The following PSMD1 variants were observed in gnomAD, a reference collection of about 807,000 sequenced individuals.
PSMD1 encodes 26S proteasome non-ATPase regulatory subunit 1.
Under a neutral mutation model 119.0 loss-of-function variants are expected in PSMD1, and 18 were observed. The observed-to-expected ratio is 0.15, with a 90% confidence interval of 0.10 to 0.22. PSMD1 has a LOEUF of 0.22. PSMD1 is among the 10% of genes least tolerant of loss of function. PSMD1 has a pLI of 1.00. For missense variants in PSMD1, 702 were observed against 1,158.5 expected (o/e 0.61, Z 5.72); for synonymous variants, 374 against 396.6 (o/e 0.94, Z 0.68).
At chr2:231,132,073 T>C (rs560585901) in intron 16 of PSMD1, among the ~76,000 whole-genome samples, 3 of 152,308 alleles carry the variant, frequency 2.0e-5, no homozygotes, top group Non-Finnish European at 4.4e-5. Context: ...TGCATTAGGC[T>C]CCTGGTATTT....
In PSMD1 at chr2:231,170,650, A is replaced by G. The variant is rs1696891777; in HGVS notation, c.2800A>G (p.Lys934Glu). The change falls in exon 24 of 25, where the codon AAA (lysine) becomes GAA (glutamate). Residue 934 changes from lysine (K) to glutamate (E), a missense_variant. Around this residue, in one of 9 missense-constraint regions of PSMD1, gnomAD observed 152 missense variants for 239.3 expected, o/e 0.64. Coordinates refer to ENST00000308696, the MANE Select transcript of PSMD1 (RefSeq NM_002807.4). The surrounding 1 kb of genome is among the most constrained non-coding windows in gnomAD (Gnocchi z 4.1). ...LVEPVAAHGP[K>E]IEEEEQEPEP... is the part of the protein sequence containing the mutation. ...GGAACCTGTGGCAGCACATGGCCCA[A>G]AAATCGAGGAGGAGGAACAAGAGCC... is the stretch of plus-strand genomic sequence containing the variant. The G allele has an allele frequency of 1.9e-6, 3 of 1,614,140 alleles. No individual in the cohort carries two copies. Among genetic ancestry groups the G allele is most frequent in the Non-Finnish European group, 2.5e-6 (3 of 1,180,010 alleles).
chr2:231,155,962 C>T (rs1040950702), intron 19 of PSMD1, among the ~76,000 whole-genome samples: 1 of 152,078 alleles, frequency 6.6e-6, no homozygotes, highest in African/African-American at 2.4e-5. Flanking sequence ...TCTCCCTTCT[C>T]ACTCTTCACT....
intron 17 of PSMD1, among the ~76,000 whole-genome samples, chr2:231,142,749 G>C (rs1431493641): frequency 6.6e-6 from 1 of 151,764 alleles, no homozygotes; most frequent in South Asian, 2.1e-4. Flanking sequence ...ATGGAAATTT[G>C]GTTATATTTT....
Position 231,060,674 on chromosome 2 carries a change from A to ATT in PSMD1, c.17-591_17-590dup, listed in dbSNP as rs529190304. Among the ~76,000 whole-genome samples the ATT allele has an allele frequency of 3.9e-3, 589 of 152,334 alleles. 9 individuals are homozygous for ATT. Among genetic ancestry groups the ATT allele is most frequent in the South Asian group, 0.022 (107 of 4,826 alleles). Reference sequence around the variant, plus strand: ...TTCAGAATGAGTATGATTGTTCATCATTTGGTAAAACCCAGGTTACTTGTG... The same window carrying ATT: ...TTCAGAATGAGTATGATTGTTCATCATTTTTGGTAAAACCCAGGTTACTTGTG... On this transcript the variant is annotated intron_variant, in intron 1 of 24. Transcript: ENST00000308696.
chr2:231,062,184 G>A, intron 2 of PSMD1, 64 bp from the exon 3 acceptor site: 1 of 1,105,836 alleles, frequency 9.0e-7, no homozygotes, highest in Non-Finnish European at 1.3e-6. Flanking sequence ...TTGCTGAAAA[G>A]AATTTTTTAA....
At chr2:231,071,007 AT>A (rs1436263222) in intron 6 of PSMD1, among the ~76,000 whole-genome samples, 1 of 152,110 alleles carries the variant, frequency 6.6e-6, no homozygotes, top group African/African-American at 2.4e-5. Flanking sequence ...AGAAGAAAAA[AT>A]ATCCATGTTT....
chr2:231,067,137 A>G (rs748161353), intron 5 of PSMD1, 26 bp downstream of exon 5: 2 of 1,500,786 alleles, frequency 1.3e-6, no homozygotes, highest in African/African-American at 2.8e-5. Context: ...TATTTTAGAA[A>G]TTATTGTTGA....
chr2:231,150,197 A>G (rs1024305439), intron 18 of PSMD1, among the ~76,000 whole-genome samples: 49 of 152,186 alleles, frequency 3.2e-4, no homozygotes, highest in African/African-American at 1.0e-3. Flanking sequence ...TACAAAAAAA[A>G]TTAGCTGAGT....
intron 16 of PSMD1, chr2:231,133,595 T>C (rs905440342): frequency 2.6e-5 from 4 of 152,188 alleles, no homozygotes; most frequent in African/African-American, 9.7e-5. Context: ...ATTTATGGTA[T>C]TGGGGGATGG....
intron 5 of PSMD1, among the ~76,000 whole-genome samples, chr2:231,067,727 G>T (rs982090363): frequency 2.6e-5 from 4 of 151,940 alleles, no homozygotes; most frequent in African/African-American, 9.7e-5. Context: ...CGCAATCTTG[G>T]CTCACTGAAA....
Position 231,081,144 on chromosome 2 carries a change from T to TAAAA in PSMD1, c.1413+849_1413+852dup, listed in dbSNP as rs368987456. Among the ~76,000 whole-genome samples, 181 of 74,002 alleles carry TAAAA rather than the reference T, an allele frequency of 2.4e-3. 4 individuals carry two copies. The East Asian group carries it at 0.043, about 18-fold the overall frequency. 48.5% of individuals were successfully genotyped at this position (74,002 alleles called of 152,430 possible). ...TGGGCGACAAGACAGAAACTCTGTC[T>TAAAA]AAAAAAAAAAAAAAAAAAAAAAGAT... On this transcript the variant is annotated intron_variant, in intron 12 of 24. Transcript: ENST00000308696.
At chr2:231,100,069 T>C (rs1275473601) in intron 16 of PSMD1, among the ~76,000 whole-genome samples, 2 of 152,150 alleles carry the variant, frequency 1.3e-5, no homozygotes, top group African/African-American at 2.4e-5. Flanking sequence ...TTCTCACCCC[T>C]GAGGCCACCA....
intron 13 of PSMD1, 137 bp downstream of exon 13, chr2:231,083,131 C>A (rs1189169321): frequency 4.2e-6 from 3 of 718,178 alleles, no homozygotes; most frequent in Non-Finnish European, 6.7e-6. Flanking sequence ...GAATTTTGCT[C>A]CATTTGTCAA....
intron 16 of PSMD1, among the ~76,000 whole-genome samples, chr2:231,100,779 C>T (rs899597797): frequency 2.6e-5 from 4 of 152,182 alleles, no homozygotes; most frequent in African/African-American, 4.8e-5. Context: ...CTTTTATATA[C>T]TGTTGCCATT....
intron 2 of PSMD1, 106 bp from the exon 3 acceptor site, chr2:231,062,142 G>A (rs1467277029): frequency 2.9e-6 from 2 of 688,078 alleles, no homozygotes; most frequent in Non-Finnish European, 5.0e-6. Context: ...GTAAAAGTTT[G>A]AGTAAATATT....
chr2:231,170,315 C>G lies in PSMD1; in HGVS notation c.2716-251C>G, dbSNP rs1696885525. ...AGTCAAGGCCATGGCTGGGAAATAA[C>G]TATTCTTAAATTGGGATGCATCATC... On this transcript the variant is annotated intron_variant, in intron 23 of 24. Transcript: ENST00000308696. The surrounding 1 kb of genome is among the most constrained non-coding windows in gnomAD (Gnocchi z 4.1). The G allele has an allele frequency of 2.8e-6, 1 of 360,684 alleles. No individual in the cohort carries two copies. Among genetic ancestry groups the G allele is most frequent in the Non-Finnish European group, 4.9e-6 (1 of 202,858 alleles). 22.3% of individuals were successfully genotyped at this position (360,684 alleles called of 1,614,324 possible). A position where few individuals can be genotyped will look rare whatever the true frequency, so the allele number is the denominator to read the frequency against.
chr2:231,073,604 T>C (rs996971287), intron 7 of PSMD1, among the ~76,000 whole-genome samples: 7 of 152,260 alleles, frequency 4.6e-5, no homozygotes, highest in African/African-American at 1.7e-4. Context: ...CCGATAATAT[T>C]GAATCTTGTA....
chr2:231,108,860 A>G (rs1475813222), intron 16 of PSMD1: 3 of 1,614,090 alleles, frequency 1.9e-6, no homozygotes, highest in Non-Finnish European at 1.7e-6. Flanking sequence ...AACATAGCCT[A>G]TCCACACAAA....
chr2:231,056,881 C>G lies in PSMD1; in HGVS notation c.-145C>G. ...GGGCGGGCGGGGTCCTGGCGAGAAG[C>G]GAGCCGGCGGCCTGAGGAGGCGACT... On this transcript the variant is annotated 5_prime_UTR_variant, in exon 1 of 25. Transcript: ENST00000308696. 4 of 1,161,344 alleles carry G rather than the reference C, an allele frequency of 3.4e-6. No individual in the cohort carries two copies. Among genetic ancestry groups the G allele is most frequent in the Non-Finnish European group, 4.9e-6 (4 of 819,332 alleles). 71.9% of individuals were successfully genotyped at this position (1,161,344 alleles called of 1,614,324 possible). A position where few individuals can be genotyped will look rare whatever the true frequency, so the allele number is the denominator to read the frequency against.
Sources: allele counts gnomAD v4.1 joint callset (sites outside exome capture counted in the v4.1 genomes callset), GRCh38; gene constraint gnomAD v4.1.1; regional missense constraint gnomAD v4.1.1; non-coding constraint Gnocchi (gnomAD v3.1); transcripts MANE v1.5; gene names NCBI Gene and HGNC (gene_info 2026-07-23, HGNC 2026-07-21).